Variants in ADA2 observed in about 807,000 individuals in gnomAD.
ADA2 encodes adenosine deaminase CECR1.
A neutral mutation model predicts 44.2 loss-of-function variants in ADA2; 29 were observed. The observed-to-expected ratio is 0.66, with a 90% CI of 0.49 to 0.89. The LOEUF (loss-of-function observed/expected upper bound fraction) is 0.89. Among genes scored for constraint, ADA2 ranks in the 40% least tolerant of loss-of-function variants. The pLI is 0.00. For synonymous variants in ADA2, 215 were observed against 234.9 expected (o/e 0.92, Z 0.77); for missense variants, 637 against 644.8 (o/e 0.99, Z 0.13).
Position 17,182,651 on chromosome 22 carries a change from AG to A in ADA2, c.1191del (p.Ser398ProfsTer8). On this transcript the variant is annotated frameshift_variant, in exon 8 of 10. Coordinates refer to ENST00000399837, the MANE Select transcript of ADA2 (RefSeq NM_001282225.2). LOFTEE classifies it high-confidence loss of function. Reference sequence around the variant, plus strand: ...TCTATGGGGATGTCCTTTTTCCAGGAGTAAGTCCTGACTGCGGGGTGTTTGC... The same window carrying A: ...TCTATGGGGATGTCCTTTTTCCAGGATAAGTCCTGACTGCGGGGTGTTTGC... ...ALSKHPAVRTYSWKKDIPIEV... is the reference protein window; with the variant it reads ...ALSKHPAVRTXSWKKDIPIEV... 2 of 1,614,158 alleles carry A rather than the reference AG, an allele frequency of 1.2e-6. No individual in the cohort carries two copies. Among genetic ancestry groups the A allele is most frequent in the Non-Finnish European group, 1.7e-6 (2 of 1,180,034 alleles).
At chr22:17,213,638 G>T in intron 1 of ADA2, 1 of 278,772 alleles carries the variant, frequency 3.6e-6, no homozygotes. Flanking sequence ...CAATGGGAAT[G>T]AACAAAAAGA....
chr22:17,203,110 C>G (rs1392209743), intron 4 of ADA2, among the ~76,000 whole-genome samples: 1 of 152,138 alleles, frequency 6.6e-6, no homozygotes, highest in Admixed American at 6.6e-5. Flanking sequence ...AATGGGGTTT[C>G]TCTTCTCAGC....
Position 17,187,098 on chromosome 22 carries a change from C to G in ADA2, c.1081+1241G>C, listed in dbSNP as rs1049999438. 3.9e-4 allele frequency among the ~76,000 whole-genome samples: 57 copies of G among 146,512 alleles called. 1 individual carries two copies. Among genetic ancestry groups the G allele is most frequent in the African/African-American group, 1.3e-3 (53 of 39,434 alleles). ...GGAGAATGGCATGAACCCAGGAAGC[C>G]GAGCTTGCAAGTGAGCCGAGATCAT... On this transcript the variant is annotated intron_variant, in intron 7 of 9. Coordinates refer to ENST00000399837, the MANE Select transcript of ADA2 (RefSeq NM_001282225.2).
At position 17,204,689 on chromosome 22, in the gene ADA2, C is replaced by T. The variant is rs145710454; in HGVS notation, c.543-916G>A. Among the ~76,000 whole-genome samples the T allele has an allele frequency of 8.5e-3, 1,290 of 152,070 alleles. 25 individuals are homozygous for T. Among genetic ancestry groups the T allele is most frequent in the African/African-American group, 0.029 (1,211 of 41,514 alleles). Reference sequence around the variant, plus strand: ...GGCCATGTGAGTACACAGCCAGAGGCGCCTTCTGCACGCCAAGGACAGAGG... The same window carrying T: ...GGCCATGTGAGTACACAGCCAGAGGTGCCTTCTGCACGCCAAGGACAGAGG... On this transcript the variant is annotated intron_variant, in intron 3 of 9. Transcript: ENST00000399837.
chr22:17,218,986 G>A (rs999689936), intron 1 of ADA2, among the ~76,000 whole-genome samples: 27 of 152,088 alleles, frequency 1.8e-4, no homozygotes, highest in Non-Finnish European at 2.5e-4. Flanking sequence ...GTGAAACCCC[G>A]TCTCTACTAA....
chr22:17,203,638 G>A lies in ADA2; in HGVS notation c.678C>T (p.Asp226=), dbSNP rs1337961073. The change falls in exon 4 of 10, where the codon GAC becomes GAT. Residue 226 remains aspartate (D), a synonymous_variant. Coordinates refer to ENST00000399837, the MANE Select transcript of ADA2 (RefSeq NM_001282225.2). ...ACTCCTGCATGCTCCGGAAGACATA[G>A]TCTCTGAACACTGGTGCGTAATGGA... is the stretch of plus-strand genomic sequence containing the variant. ...GLIHYAPVFR[D]YVFRSMQEFY... 7 of 1,613,976 alleles carry A rather than the reference G, an allele frequency of 4.3e-6. No individual in the cohort carries two copies. Among genetic ancestry groups the A allele is most frequent in the African/African-American group, 2.7e-5 (2 of 74,936 alleles).
intron 3 of ADA2, among the ~76,000 whole-genome samples, chr22:17,204,806 T>TG (rs1338063713): frequency 6.6e-6 from 1 of 150,756 alleles, no homozygotes; most frequent in Non-Finnish European, 1.5e-5. Flanking sequence ...TTTTTTTTTT[T>TG]TTTTTTGAAA....
chr22:17,187,535 C>T (rs1256338852), intron 7 of ADA2, among the ~76,000 whole-genome samples: 1 of 152,050 alleles, frequency 6.6e-6, no homozygotes, highest in Non-Finnish European at 1.5e-5. Context: ...AAGAGATCCA[C>T]CCACATCAGC....
chr22:17,221,724 T>TA (rs1168339507), upstream of ADA2: 2 of 152,274 alleles, frequency 1.3e-5, no homozygotes, highest in African/African-American at 4.8e-5. Flanking sequence ...TGGGCACACT[T>TA]ACCTGGATGT....
At chr22:17,184,309 G>A (rs1352177845) in intron 7 of ADA2, among the ~76,000 whole-genome samples, 1 of 152,132 alleles carries the variant, frequency 6.6e-6, no homozygotes, top group Non-Finnish European at 1.5e-5. Context: ...GAGGATGAAA[G>A]GTCAGATGTG....
chr22:17,220,720 C>A (rs1401464719), upstream of ADA2, among the ~76,000 whole-genome samples: 1 of 152,172 alleles, frequency 6.6e-6, no homozygotes, highest in Non-Finnish European at 1.5e-5. Flanking sequence ...AATCTACCCC[C>A]AAAAGCCCAC....
chr22:17,199,446 T>TATCCTCTTCCCCA, intron 4 of ADA2: 5 of 917,622 alleles, frequency 5.4e-6, no homozygotes, highest in East Asian at 2.8e-5. Context: ...CCTCTTCCCC[T>TATCCTCTTCCCCA]CCACCCACGA....
intron 4 of ADA2, among the ~76,000 whole-genome samples, chr22:17,201,935 C>G (rs982222235): frequency 1.3e-5 from 2 of 150,828 alleles, no homozygotes; most frequent in African/African-American, 4.9e-5. Context: ...TCCAAACTTC[C>G]TTCCTTAAAA....
In ADA2 at chr22:17,182,667, G is replaced by A. The variant is rs367563832; in HGVS notation, c.1176C>T (p.Pro392=). Residue 392 remains proline (P), a synonymous_variant, in exon 8 of 10, where the codon CCC becomes CCT. Transcript: ENST00000399837. ...TTTTCCAGGAGTAAGTCCTGACTGC[G>A]GGGTGTTTGCTCAAAGCAAATCCAT... is the stretch of plus-strand genomic sequence containing the variant. The part of the protein sequence containing the change: ...IGHGFALSKH[P]AVRTYSWKKD... The A allele has an allele frequency of 1.6e-5, 26 of 1,613,996 alleles. No individual in the cohort carries two copies. The highest frequency in any genetic ancestry group is 8.0e-5 in the African/African-American group (6 of 74,914).
At chr22:17,192,427 G>A (rs1180001910) in intron 4 of ADA2, among the ~76,000 whole-genome samples, 2 of 152,112 alleles carry the variant, frequency 1.3e-5, no homozygotes, top group East Asian at 3.9e-4. Flanking sequence ...CTAACTCCAG[G>A]TGCAGCAGCT....
chr22:17,199,634 A>G, intron 4 of ADA2: 1 of 1,613,818 alleles, frequency 6.2e-7, no homozygotes. Flanking sequence ...TCGCCATTTG[A>G]GGTGGGCGTG....
intron 2 of ADA2, among the ~76,000 whole-genome samples, chr22:17,207,723 G>A (rs2062370993): frequency 6.6e-6 from 1 of 152,074 alleles, no homozygotes; most frequent in Admixed American, 6.6e-5. Flanking sequence ...TCCAATGGGA[G>A]CCCAGGCCTT....
chr22:17,181,567 G>A lies in ADA2; in HGVS notation c.1452C>T (p.Thr484=). The A allele has an allele frequency of 6.2e-7, 1 of 1,610,312 alleles. No individual in the cohort carries two copies. Among genetic ancestry groups the A allele is most frequent in the Non-Finnish European group, 8.5e-7 (1 of 1,176,904 alleles). ...QLAMNSIKYS[T]LLESEKNTFM... is the part of the protein sequence containing the mutation. ...AAGTATTTTTCTCACTCTCCAACAGGGTACTGTACCTGCAGGAAGAGGAGG... is the reference window on the plus strand; with the variant it reads ...AAGTATTTTTCTCACTCTCCAACAGAGTACTGTACCTGCAGGAAGAGGAGG... Residue 484 remains threonine (T), a synonymous_variant, in exon 10 of 10, where the codon ACC becomes ACT. Coordinates refer to ENST00000399837, the MANE Select transcript of ADA2 (RefSeq NM_001282225.2).
chr22:17,189,269 G>A (rs1406068017), intron 6 of ADA2, among the ~76,000 whole-genome samples: 9 of 151,892 alleles, frequency 5.9e-5, no homozygotes, highest in South Asian at 4.2e-4. Context: ...CACCTGTCTC[G>A]CCCTCCCAAA....
Sources: gnomAD v4.1 joint callset for allele counts (sites outside exome capture counted in the v4.1 genomes callset) on GRCh38, gnomAD v4.1.1 for gene constraint, MANE v1.5 for transcripts, NCBI Gene and HGNC (gene_info 2026-07-23, HGNC 2026-07-21) for gene names.